TENM2: variants seen among roughly 807,000 people sequenced by gnomAD.
The protein encoded by TENM2 is teneurin-2.
A neutral mutation model predicts 245.2 loss-of-function variants in TENM2; 52 were observed. That is an observed-to-expected ratio of 0.21 (90% CI 0.17 to 0.27). The LOEUF (loss-of-function observed/expected upper bound fraction) is 0.27, where lower values mean the gene tolerates loss of function less well. TENM2 is among the 10% of genes least tolerant of loss of function. The probability of loss-of-function intolerance (pLI) is 1.00; values close to 1 mark genes in which losing one functional copy is unlikely to be tolerated. For synonymous variants in TENM2, 1,363 were observed against 1,438.9 expected, an observed-to-expected ratio of 0.95 and a Z score of 1.19; for missense variants, 3,046 against 3,666.8, an observed-to-expected ratio of 0.83 and a Z score of 4.37.
chr5:167,312,258 A>G (rs1166422964), intron 1 of TENM2, among the ~76,000 whole-genome samples: 3 of 152,234 alleles, frequency 2.0e-5, no homozygotes, highest in Non-Finnish European at 4.4e-5. Flanking sequence ...ATTTTAAACT[A>G]TTATTTAAAG....
At chr5:167,944,081 G>A (rs1779401052) in intron 3 of TENM2, among the ~76,000 whole-genome samples, 1 of 152,178 alleles carries the variant, frequency 6.6e-6, no homozygotes, top group South Asian at 2.1e-4. Context: ...CAAAGAATGA[G>A]TATAGGGGCA....
intron 4 of TENM2, among the ~76,000 whole-genome samples, chr5:167,958,470 C>T (rs1780735395): frequency 2.0e-5 from 3 of 152,108 alleles, no homozygotes; most frequent in Non-Finnish European, 4.4e-5. Context: ...GGCATCTAGC[C>T]TCTTTACATT....
At chr5:167,756,477 A>T (rs929852148) in intron 2 of TENM2, among the ~76,000 whole-genome samples, 5 of 152,174 alleles carry the variant, frequency 3.3e-5, no homozygotes, top group Non-Finnish European at 7.3e-5. Flanking sequence ...ACCTCTCATG[A>T]GTCCAGAGAA....
chr5:168,050,652 T>C (rs780023762), intron 6 of TENM2, among the ~76,000 whole-genome samples: 4 of 152,200 alleles, frequency 2.6e-5, no homozygotes, highest in African/African-American at 9.6e-5. Context: ...GGCACATCGA[T>C]AGAGATTTCA....
intron 2 of TENM2, among the ~76,000 whole-genome samples, chr5:167,408,617 C>T (rs1259982626): frequency 6.6e-6 from 1 of 151,818 alleles, no homozygotes; most frequent in Non-Finnish European, 1.5e-5. Context: ...ATTTCAGTTG[C>T]TATTACTTCA....
chr5:167,893,477 C>G (rs963789741), intron 3 of TENM2, among the ~76,000 whole-genome samples: 1 of 152,022 alleles, frequency 6.6e-6, no homozygotes, highest in Non-Finnish European at 1.5e-5. Context: ...AAGGAACAAC[C>G]TCTTTAACTC....
chr5:168,203,601 G>C (rs537728088), intron 17 of TENM2, 88 bp from the exon 20 acceptor site: 2 of 1,356,314 alleles, frequency 1.5e-6, no homozygotes, highest in Non-Finnish European at 2.0e-6. Context: ...CTGCGAACAC[G>C]TGCTTCTCAT....
At chr5:167,221,781 G>A in the TENM2 span, among the ~76,000 whole-genome samples, 471 of 152,248 alleles carry the variant, frequency 3.1e-3, 1 homozygote, top group African/African-American at 0.011. Flanking sequence ...GGAATCTTCT[G>A]CTTTATAACT....
At chr5:168,203,568 T>G in intron 17 of TENM2, 121 bp from the exon 20 acceptor site, 1 of 1,009,202 alleles carries the variant, frequency 9.9e-7, no homozygotes, top group Non-Finnish European at 1.4e-6. Flanking sequence ...TTTGAGTGAG[T>G]TTTTGGAACA....
At chr5:167,095,734 A>C in the TENM2 span, among the ~76,000 whole-genome samples, 2 of 151,988 alleles carry the variant, frequency 1.3e-5, no homozygotes, top group African/African-American at 4.8e-5. Context: ...ACTCAAAACA[A>C]GATACAGAGC....
intron 2 of TENM2, among the ~76,000 whole-genome samples, chr5:167,804,468 T>G (rs1336637203): frequency 2.0e-5 from 3 of 152,114 alleles, no homozygotes; most frequent in Non-Finnish European, 1.5e-5. Flanking sequence ...TATTAAGCCT[T>G]TAGTTGCCAG....
chr5:167,197,251 G>T, the TENM2 span, among the ~76,000 whole-genome samples: 1 of 152,236 alleles, frequency 6.6e-6, no homozygotes, highest in African/African-American at 2.4e-5. Context: ...ACCCACAGCT[G>T]TCTCCTTCCA....
At chr5:167,015,606 C>T in the TENM2 span, among the ~76,000 whole-genome samples, 1 of 152,116 alleles carries the variant, frequency 6.6e-6, no homozygotes, top group Non-Finnish European at 1.5e-5. Flanking sequence ...AGAAAATTAT[C>T]ATATGTGATT....
chr5:167,640,904 T>TATATATATA (rs1561629289), intron 2 of TENM2, among the ~76,000 whole-genome samples: 3 of 113,470 alleles, frequency 2.6e-5, no homozygotes, highest in African/African-American at 9.5e-5. Context: ...TATATATATA[T>TATATATATA]ATCTTTCTCT....
At chr5:168,241,132 T>C (rs888495357) in intron 25 of TENM2, 2 of 152,230 alleles carry the variant, frequency 1.3e-5, no homozygotes, top group African/African-American at 4.8e-5. Flanking sequence ...TTCTTGACTA[T>C]TCCCAGTTGC....
chr5:168,248,068 G>A (rs1367871701), exon 27 of TENM2: 1 of 1,613,822 alleles, frequency 6.2e-7, no homozygotes, highest in African/African-American at 1.3e-5. Context: ...GACTCCTCTG[G>A]CTGTGTTCAG....
intron 2 of TENM2, among the ~76,000 whole-genome samples, chr5:167,733,880 A>C (rs1322636790): frequency 6.6e-6 from 1 of 152,140 alleles, no homozygotes; most frequent in African/African-American, 2.4e-5. Context: ...GTGCCACAGA[A>C]CCCACAGGGA....
intron 2 of TENM2, among the ~76,000 whole-genome samples, chr5:167,619,602 CAT>C (rs1778023971): frequency 6.6e-6 from 1 of 152,104 alleles, no homozygotes; most frequent in Non-Finnish European, 1.5e-5. Flanking sequence ...GGACCTGAGA[CAT>C]TGACTCTCAC....
rs528422683 is a variant in TENM2 at position 167,939,624 on chromosome 5, C to A, written c.713-12964C>A. Among the ~76,000 whole-genome samples, 157 of 152,254 alleles carry A rather than the reference C, an allele frequency of 1.0e-3. 1 individual carries two copies. The highest frequency in any genetic ancestry group is 3.6e-3 in the African/African-American group (150 of 41,566). ...CAATGTCAGCCCTAGAAGGGAGCAACCATAAAACAACATACTTGTCAGCAT... is the reference window on the plus strand; with the variant it reads ...CAATGTCAGCCCTAGAAGGGAGCAAACATAAAACAACATACTTGTCAGCAT... On this transcript the variant is annotated intron_variant, in intron 3 of 28. Transcript: ENST00000518659.
Sources: gnomAD v4.1 joint callset for allele counts (sites outside exome capture counted in the v4.1 genomes callset) on GRCh38, gnomAD v4.1.1 for gene constraint, MANE v1.5 for transcripts, NCBI Gene and HGNC (gene_info 2026-07-23, HGNC 2026-07-21) for gene names.